The following GPC6 variants were observed in gnomAD, a reference collection of about 807,000 sequenced individuals.
GPC6 encodes the protein glypican-6.
In GPC6, 14 loss-of-function variants were observed where a neutral mutation model predicts 55.2. That is an observed-to-expected ratio of 0.25 (90% CI 0.17 to 0.40). The LOEUF is 0.40. Among genes scored for constraint, GPC6 ranks in the 10% least tolerant of loss-of-function variants. The probability of loss-of-function intolerance (pLI) is 1.00; values close to 1 mark genes in which losing one functional copy is unlikely to be tolerated. For synonymous variants in GPC6, 278 were observed against 259.6 expected (o/e 1.07, Z -0.68); for missense variants, 641 against 708.5 (o/e 0.90, Z 1.08).
At chr13:93,902,983 G>C (rs1876443326) in intron 3 of GPC6, among the ~76,000 whole-genome samples, 2 of 152,172 alleles carry the variant, frequency 1.3e-5, no homozygotes. Flanking sequence ...ATGGAGAAAG[G>C]ACAGTGTATT....
chr13:93,898,052 T>A (rs1033086456), intron 3 of GPC6, among the ~76,000 whole-genome samples: 3 of 152,168 alleles, frequency 2.0e-5, no homozygotes, highest in Non-Finnish European at 1.5e-5. Flanking sequence ...TGTTTATTAA[T>A]TTACTGTAAT....
At chr13:94,060,449 G>T (rs918001857) in intron 4 of GPC6, among the ~76,000 whole-genome samples, 1 of 152,150 alleles carries the variant, frequency 6.6e-6, no homozygotes, top group Non-Finnish European at 1.5e-5. Flanking sequence ...GAATTAAAGA[G>T]AATTCCTAAA....
At chr13:94,201,357 A>G (rs948729883) in intron 4 of GPC6, among the ~76,000 whole-genome samples, 1 of 152,132 alleles carries the variant, frequency 6.6e-6, no homozygotes, top group Non-Finnish European at 1.5e-5. Context: ...GTCAATAACG[A>G]AAAACAGGAA....
At chr13:93,328,319 A>G (rs939866783) in intron 1 of GPC6, among the ~76,000 whole-genome samples, 1 of 152,144 alleles carries the variant, frequency 6.6e-6, no homozygotes, top group Admixed American at 6.6e-5. Flanking sequence ...AACAAACAAA[A>G]TAATTAGCTA....
At chr13:94,370,147 G>T (rs954399820) in intron 6 of GPC6, among the ~76,000 whole-genome samples, 2 of 152,198 alleles carry the variant, frequency 1.3e-5, no homozygotes, top group Non-Finnish European at 2.9e-5. Context: ...CCTGTTCTTG[G>T]AGGCTAAAAC....
chr13:94,245,235 A>C (rs926308424), intron 4 of GPC6, among the ~76,000 whole-genome samples: 1 of 151,874 alleles, frequency 6.6e-6, no homozygotes, highest in African/African-American at 2.4e-5. Flanking sequence ...TTTGGCATTC[A>C]TTTATTTATT....
At chr13:93,507,734 G>C (rs1348715609) in intron 1 of GPC6, among the ~76,000 whole-genome samples, 1 of 152,070 alleles carries the variant, frequency 6.6e-6, no homozygotes. Flanking sequence ...CTGACATATA[G>C]AATGTTTTTC....
intron 2 of GPC6, among the ~76,000 whole-genome samples, chr13:93,802,408 T>G (rs1449523228): frequency 6.6e-6 from 1 of 151,184 alleles, no homozygotes; most frequent in African/African-American, 2.4e-5. Context: ...AAAGTACTTT[T>G]TTTTTTTTTA....
At chr13:93,844,380 G>A (rs947335347) in intron 3 of GPC6, among the ~76,000 whole-genome samples, 7 of 152,060 alleles carry the variant, frequency 4.6e-5, no homozygotes, top group South Asian at 2.1e-4. Flanking sequence ...CTCATGGTCC[G>A]CCCACCTCAG....
intron 3 of GPC6, among the ~76,000 whole-genome samples, chr13:93,965,872 C>G (rs1880017327): frequency 6.6e-6 from 1 of 152,156 alleles, no homozygotes; most frequent in Non-Finnish European, 1.5e-5. Context: ...TTTGCAGCCA[C>G]TACGTTTTGT....
rs1464787562 is a variant in GPC6 at position 93,835,646 on chromosome 13, GGAGGCTGAA to G, written c.711+5103_711+5111del. On this transcript the variant is annotated intron_variant, in intron 3 of 8. Transcript: ENST00000377047. ...ACATGCCTGTAATCCCAGCTACTTG[GGAGGCTGAA>G]GCAGGAGAATCGCTTGAACCCGGGA... 3.3e-5 allele frequency among the ~76,000 whole-genome samples: 5 copies of G among 152,216 alleles called. No individual in the cohort carries two copies. The East Asian group carries it at 9.7e-4, about 29-fold the overall frequency.
chr13:93,627,523 C>A (rs1333393666), intron 2 of GPC6, among the ~76,000 whole-genome samples: 1 of 152,156 alleles, frequency 6.6e-6, no homozygotes, highest in Admixed American at 6.5e-5. Flanking sequence ...CAAAACTTAT[C>A]AACCCTCCTT....
At chr13:94,014,965 T>C (rs1212777971) in intron 3 of GPC6, among the ~76,000 whole-genome samples, 1 of 152,210 alleles carries the variant, frequency 6.6e-6, no homozygotes, top group Admixed American at 6.5e-5. Flanking sequence ...TTGTTTCCAG[T>C]TTGGAGGTAC....
chr13:93,220,777 A>G, the GPC6 span, among the ~76,000 whole-genome samples: 1 of 152,258 alleles, frequency 6.6e-6, no homozygotes, highest in South Asian at 2.1e-4. Context: ...CTCAATATTT[A>G]AATATATTTA....
intron 3 of GPC6, among the ~76,000 whole-genome samples, chr13:94,022,723 C>T (rs1199176834): frequency 1.3e-5 from 2 of 152,018 alleles, no homozygotes; most frequent in African/African-American, 4.8e-5. Flanking sequence ...ACAAGGGTTC[C>T]ATTTTTCTCC....
At chr13:93,270,082 A>G (rs1040430787) in intron 1 of GPC6, among the ~76,000 whole-genome samples, 1 of 151,364 alleles carries the variant, frequency 6.6e-6, no homozygotes, top group African/African-American at 2.4e-5. Flanking sequence ...TAGTAAGACT[A>G]TGGCTCTCAA....
chr13:93,913,876 T>G (rs544453287), intron 3 of GPC6, among the ~76,000 whole-genome samples: 2 of 152,284 alleles, frequency 1.3e-5, no homozygotes, highest in South Asian at 2.1e-4. Context: ...AGACAAAAAC[T>G]TAGTTGGCTG....
At chr13:93,565,389 A>G (rs1455942250) in intron 2 of GPC6, among the ~76,000 whole-genome samples, 1 of 152,236 alleles carries the variant, frequency 6.6e-6, no homozygotes, top group Non-Finnish European at 1.5e-5. Flanking sequence ...CAACATTTTA[A>G]CAATAAACTT....
intron 1 of GPC6, among the ~76,000 whole-genome samples, chr13:93,385,524 C>A (rs1594134150): frequency 6.6e-6 from 1 of 152,312 alleles, no homozygotes; most frequent in Middle Eastern, 3.4e-3. Flanking sequence ...TGCTCACAGG[C>A]CAGGGCCCCG....
Sources: allele counts gnomAD v4.1 joint callset (sites outside exome capture counted in the v4.1 genomes callset), GRCh38; gene constraint gnomAD v4.1.1; transcripts MANE v1.5; gene names NCBI Gene and HGNC (gene_info 2026-07-23, HGNC 2026-07-21).